The following KCNJ10 variants were observed in gnomAD, a reference collection of about 807,000 sequenced individuals.
KCNJ10 encodes the protein ATP-sensitive inward rectifier potassium channel 10.
In KCNJ10, 9 loss-of-function variants were observed where a neutral mutation model predicts 22.2. That is an observed-to-expected ratio of 0.40 (90% CI 0.24 to 0.71). The LOEUF (loss-of-function observed/expected upper bound fraction) is 0.71, where lower values mean the gene tolerates loss of function less well. Among genes scored for constraint, KCNJ10 ranks in the 30% least tolerant of loss-of-function variants. KCNJ10 has a pLI of 0.35. For missense variants in KCNJ10, 337 were observed against 482.7 expected (o/e 0.70, Z 2.83); for synonymous variants, 184 against 187.3 (o/e 0.98, Z 0.15).
chr1:160,044,126 A>G (rs1648682914), intron 1 of KCNJ10, among the ~76,000 whole-genome samples: 1 of 152,144 alleles, frequency 6.6e-6, no homozygotes, highest in South Asian at 2.1e-4. Context: ...ACTGAATTGG[A>G]GATCACCAAT....
At position 160,042,184 on chromosome 1, in the gene KCNJ10, C is replaced by T; in HGVS notation, c.349G>A (p.Gly117Arg). The stretch of plus-strand genomic sequence containing the variant: ...GATTCAAGGGAGAAGAGGAAGGCTC[C>T]AGTGAGTGTGTGCACCTGTACCACA... Reference protein sequence around the residue: ...PCVVQVHTLTGAFLFSLESQT... With the variant: ...PCVVQVHTLTRAFLFSLESQT... Residue 117 changes from glycine to arginine, a missense_variant, in exon 2 of 2, where the codon GGA (glycine) becomes AGA (arginine). By Grantham distance (125) the Gly-to-Arg change is moderately radical. Around this residue, in one of 3 missense-constraint regions of KCNJ10, gnomAD observed 165 missense variants for 281.5 expected, o/e 0.59. Transcript: ENST00000644903. 6.2e-7 allele frequency: 1 copy of T among 1,603,280 alleles called. No homozygotes were observed. The highest frequency in any genetic ancestry group is 8.5e-7 in the Non-Finnish European group (1 of 1,172,884).
chr1:160,054,715 A>G (rs980717171), intron 1 of KCNJ10, among the ~76,000 whole-genome samples: 2 of 152,080 alleles, frequency 1.3e-5, no homozygotes, highest in African/African-American at 4.8e-5. Context: ...CACCTGGCCT[A>G]GGCCCCGAGA....
Position 160,047,010 on chromosome 1 carries a change from A to G in KCNJ10, c.1-4478T>C, listed in dbSNP as rs533486665. 7.2e-5 allele frequency among the ~76,000 whole-genome samples: 11 copies of G among 152,318 alleles called. No homozygotes were observed. In the East Asian group the frequency reaches 1.9e-3, roughly 27 times the overall value. ...AGACTGAACTAGTGATCCTTTCCCT[A>G]AAACAAAGCCAGTCATAGCTACAGT... is the stretch of plus-strand genomic sequence containing the variant. On this transcript the variant is annotated intron_variant, in intron 1 of 1. Coordinates refer to ENST00000644903, the MANE Select transcript of KCNJ10 (RefSeq NM_002241.5).
intron 1 of KCNJ10, among the ~76,000 whole-genome samples, chr1:160,045,907 G>A (rs1439325570): frequency 6.6e-6 from 1 of 152,212 alleles, no homozygotes; most frequent in Non-Finnish European, 1.5e-5. Context: ...ATACTGCAGG[G>A]ATAAAGATTG....
intron 1 of KCNJ10, among the ~76,000 whole-genome samples, chr1:160,052,623 T>C (rs1206737405): frequency 6.6e-6 from 1 of 152,168 alleles, no homozygotes; most frequent in Non-Finnish European, 1.5e-5. Flanking sequence ...AGAATTAGGC[T>C]CAAGGATGTG....
Position 160,041,106 on chromosome 1 carries a change from A to G in KCNJ10, c.*287T>C, listed in dbSNP as rs770312767. Reference sequence around the variant, plus strand: ...GTCCTCCTAATGTGAGTATCCAAGCATGGCTGAGGCCTTCTAAGCCACTTC... The same window carrying G: ...GTCCTCCTAATGTGAGTATCCAAGCGTGGCTGAGGCCTTCTAAGCCACTTC... On this transcript the variant is annotated 3_prime_UTR_variant, in exon 2 of 2. Transcript: ENST00000644903. This position sits in a 1 kb window ranked among gnomAD's most constrained non-coding sequence, Gnocchi z 4.4. 1 of 491,318 alleles carries G rather than the reference A, an allele frequency of 2.0e-6. No homozygotes were observed. The highest frequency in any genetic ancestry group is 3.7e-6 in the Non-Finnish European group (1 of 268,484). 30.4% of individuals were successfully genotyped at this position (491,318 alleles called of 1,614,324 possible).
Position 160,041,641 on chromosome 1 carries a change from T to C in KCNJ10, c.892A>G (p.Thr298Ala), listed in dbSNP as rs764602753. 1 of 1,614,140 alleles carries C rather than the reference T, an allele frequency of 6.2e-7. No individual in the cohort carries two copies. Among genetic ancestry groups the C allele is most frequent in the Admixed American group, 1.7e-5 (1 of 60,022 alleles). The stretch of plus-strand genomic sequence containing the variant: ...AGGATCTCCTCTGGCAGGTAGGAAG[T>C]GCGCACCTGACAGGTGGCACTGGTG... ...ESTSATCQVR[T>A]SYLPEEILWG... The change falls in exon 2 of 2, where the codon ACT becomes GCT. Residue 298 changes from threonine to alanine, a missense_variant. Physicochemically the swap from Thr to Ala is moderately conservative, Grantham distance 58. This residue lies in a region of KCNJ10 where 165 missense variants were observed against 281.5 expected (regional missense o/e 0.59). Transcript: ENST00000644903. This position sits in a 1 kb window ranked among gnomAD's most constrained non-coding sequence, Gnocchi z 4.4.
intron 1 of KCNJ10, among the ~76,000 whole-genome samples, chr1:160,057,348 T>C (rs1254655511): frequency 6.6e-6 from 1 of 152,208 alleles, no homozygotes; most frequent in Non-Finnish European, 1.5e-5. Flanking sequence ...CACACCCCAG[T>C]GGCCTTGATG....
In KCNJ10 at chr1:160,039,386, AC is replaced by A. The variant is rs1310388969; in HGVS notation, c.*2006del. 4 of 108,372 alleles carry A rather than the reference AC, an allele frequency of 3.7e-5. No homozygotes were observed. The highest frequency in any genetic ancestry group is 1.2e-4 in the African/African-American group (4 of 32,308). The allele number at this position is 108,372 out of a possible 1,614,324, so 6.7% of individuals were successfully genotyped here. On this transcript the variant is annotated 3_prime_UTR_variant, in exon 2 of 2. Coordinates refer to ENST00000644903, the MANE Select transcript of KCNJ10 (RefSeq NM_002241.5). ...TAGGAAGGTATAGACACACACACAC[AC>A]ACACACACACACACACACACACACA...
intron 1 of KCNJ10, chr1:160,068,091 G>A (rs1437683253): frequency 6.6e-6 from 1 of 152,320 alleles, no homozygotes; most frequent in Non-Finnish European, 1.5e-5. Flanking sequence ...GGCACACGGA[G>A]GAGGTAGGGG....
intron 1 of KCNJ10, among the ~76,000 whole-genome samples, chr1:160,056,071 T>G (rs1649028778): frequency 6.6e-6 from 1 of 152,142 alleles, no homozygotes; most frequent in South Asian, 2.1e-4. Context: ...GCTTTCTCTC[T>G]TCCCCCTCAT....
At chr1:160,061,311 G>A (rs1649187322) in intron 1 of KCNJ10, among the ~76,000 whole-genome samples, 1 of 152,148 alleles carries the variant, frequency 6.6e-6, no homozygotes, top group African/African-American at 2.4e-5. Context: ...AGCCTTGCTG[G>A]GAAAATGATA....
At chr1:160,061,124 A>C (rs1001512424) in intron 1 of KCNJ10, among the ~76,000 whole-genome samples, 2 of 152,188 alleles carry the variant, frequency 1.3e-5, no homozygotes, top group Non-Finnish European at 2.9e-5. Flanking sequence ...TCCCAAAAAA[A>C]GGTGGCTAAA....
At chr1:160,055,839 T>C (rs1186687) in intron 1 of KCNJ10, among the ~76,000 whole-genome samples, 150,883 of 152,284 alleles carry the variant, frequency 0.99, 74,766 homozygotes, top group Middle Eastern at 1. Context: ...TCATCCTTGA[T>C]CACTGTACTC....
chr1:160,065,494 T>C (rs1649303640), intron 1 of KCNJ10, among the ~76,000 whole-genome samples: 1 of 152,052 alleles, frequency 6.6e-6, no homozygotes, highest in Non-Finnish European at 1.5e-5. Flanking sequence ...TCGCCATGCA[T>C]GGAGAACCCT....
chr1:160,064,357 A>G (rs1004865440), intron 1 of KCNJ10, among the ~76,000 whole-genome samples: 3 of 152,244 alleles, frequency 2.0e-5, no homozygotes, highest in African/African-American at 7.2e-5. Flanking sequence ...ATGATATTGC[A>G]ACACACTAAA....
chr1:160,050,300 A>ATT (rs57990965), intron 1 of KCNJ10, among the ~76,000 whole-genome samples: 19,081 of 146,902 alleles, frequency 0.13, 1,406 homozygotes, highest in Admixed American at 0.17. Flanking sequence ...CACCCAGCTA[A>ATT]TTTTTTTTTT....
At chr1:160,054,082 G>A (rs1162551911) in intron 1 of KCNJ10, among the ~76,000 whole-genome samples, 2 of 152,176 alleles carry the variant, frequency 1.3e-5, no homozygotes, top group African/African-American at 2.4e-5. Flanking sequence ...ATGGCATCTT[G>A]GGGACCCCCT....
chr1:160,049,927 A>T, intron 1 of KCNJ10, among the ~76,000 whole-genome samples: 1 of 150,208 alleles, frequency 6.7e-6, no homozygotes, highest in African/African-American at 2.5e-5. Context: ...AGCACTTCTC[A>T]CTCTGGGGCC....
Sources: allele counts gnomAD v4.1 joint callset (sites outside exome capture counted in the v4.1 genomes callset), GRCh38; gene constraint gnomAD v4.1.1; regional missense constraint gnomAD v4.1.1; non-coding constraint Gnocchi (gnomAD v3.1); transcripts MANE v1.5; gene names NCBI Gene and HGNC (gene_info 2026-07-23, HGNC 2026-07-21).